CCNY: variants seen among roughly 807,000 people sequenced by gnomAD.
The protein encoded by CCNY is cyclin-Y.
A neutral mutation model predicts 42.8 loss-of-function variants in CCNY; 19 were observed. The ratio of observed to expected loss-of-function variants is 0.44; its 90% CI spans 0.31 to 0.65. CCNY has a LOEUF of 0.65. Ranked by LOEUF, CCNY falls within the 30% of genes least tolerant of loss-of-function variation. The pLI is 0.07. For synonymous variants in CCNY, 165 were observed against 162.7 expected, an observed-to-expected ratio of 1.01 and a Z score of -0.11; for missense variants, 370 against 437.3, an observed-to-expected ratio of 0.85 and a Z score of 1.37.
intron 1 of CCNY, among the ~76,000 whole-genome samples, chr10:35,377,275 A>G (rs1837074082): frequency 6.6e-6 from 1 of 152,246 alleles, no homozygotes; most frequent in Admixed American, 6.5e-5. Flanking sequence ...GACCTAGAGC[A>G]ACTTCCAGTC....
intron 3 of CCNY, among the ~76,000 whole-genome samples, chr10:35,502,738 A>G (rs1333884020): frequency 6.6e-6 from 1 of 151,968 alleles, no homozygotes; most frequent in African/African-American, 2.4e-5. Flanking sequence ...AAAATATGAA[A>G]ATTGCCATGC....
intron 7 of CCNY, among the ~76,000 whole-genome samples, chr10:35,537,799 A>G (rs1420294091): frequency 6.6e-6 from 1 of 152,136 alleles, no homozygotes; most frequent in Non-Finnish European, 1.5e-5. Flanking sequence ...GCCTTGTCTC[A>G]GATGAGACTT....
At chr10:35,523,970 G>T (rs888162847) in intron 4 of CCNY, among the ~76,000 whole-genome samples, 1 of 152,152 alleles carries the variant, frequency 6.6e-6, no homozygotes, top group South Asian at 2.1e-4. Context: ...CTTTCTCAAA[G>T]ACATTAAACT....
chr10:35,471,293 G>A (rs533836017), intron 1 of CCNY, among the ~76,000 whole-genome samples: 12 of 152,280 alleles, frequency 7.9e-5, no homozygotes, highest in African/African-American at 2.9e-4. Flanking sequence ...TGACTTTACA[G>A]GCTTGCTTTG....
rs1841650899 is a variant in CCNY at position 35,569,836 on chromosome 10, A to T, written c.*666A>T. 6.5e-6 allele frequency: 1 copy of T among 152,886 alleles called. No homozygotes were observed. The highest frequency in any genetic ancestry group is 1.5e-5 in the Non-Finnish European group (1 of 68,158). The allele number at this position is 152,886 out of a possible 1,614,324, so 9.5% of individuals were successfully genotyped here. A position where few individuals can be genotyped will look rare whatever the true frequency, so the allele number is the denominator to read the frequency against. On this transcript the variant is annotated 3_prime_UTR_variant, in exon 10 of 10. Transcript: ENST00000374704. Reference sequence around the variant, plus strand: ...CCTTATTTTATACCGTTTTTCTTCAACAATGGCGAAATTGACTGTAGTGCT... The same window carrying T: ...CCTTATTTTATACCGTTTTTCTTCATCAATGGCGAAATTGACTGTAGTGCT...
rs113516513 is a variant in CCNY, at chr10:35,247,939, A to G, written c.-216-170A>G. 3.3e-5 allele frequency among the ~76,000 whole-genome samples: 5 copies of G among 152,076 alleles called. 1 individual carries two copies. The highest frequency in any genetic ancestry group is 1.2e-4 in the African/African-American group (5 of 41,534). ...GAAAAGAATAAATAAATGAAAAAAAAAAGAAAAATAGAGAAAGAAATTGAG... is the reference window on the plus strand; with the variant it reads ...GAAAAGAATAAATAAATGAAAAAAAGAAGAAAAATAGAGAAAGAAATTGAG... On this transcript the variant is annotated intron_variant, in intron 1 of 11. Coordinates refer to the CCNY transcript ENST00000374706.
At position 35,447,393 on chromosome 10, in the gene CCNY, G is replaced by T. The variant is rs1416688717; in HGVS notation, c.155-36011G>T. ...GACAGGAGGCTTTACTAGCGATAAC[G>T]TGGTAAGCCAGAGAGCAATTTTTAT... is the stretch of plus-strand genomic sequence containing the variant. On this transcript the variant is annotated intron_variant, in intron 1 of 9. Coordinates refer to ENST00000374704, the MANE Select transcript of CCNY (RefSeq NM_145012.6). Among the ~76,000 whole-genome samples, 4 of 152,174 alleles carry T rather than the reference G, an allele frequency of 2.6e-5. No homozygotes were observed. In the East Asian group the frequency reaches 7.7e-4, roughly 29 times the overall value.
chr10:35,542,576 G>A (rs550489080), intron 7 of CCNY, among the ~76,000 whole-genome samples: 357 of 152,280 alleles, frequency 2.3e-3, no homozygotes, highest in Non-Finnish European at 4.2e-3. Context: ...AGCCTGTCAG[G>A]ACCACTGGTC....
intron 1 of CCNY, among the ~76,000 whole-genome samples, chr10:35,366,851 T>G (rs1836819168): frequency 1.3e-5 from 2 of 152,234 alleles, no homozygotes; most frequent in African/African-American, 4.8e-5. Flanking sequence ...TTACTTAATT[T>G]TAAAGAATAA....
intron 2 of CCNY, among the ~76,000 whole-genome samples, chr10:35,486,691 G>T (rs748616192): frequency 2.0e-4 from 30 of 152,200 alleles, no homozygotes; most frequent in Non-Finnish European, 2.8e-4. Context: ...GAGGCCCATC[G>T]TGATCCAGCC....
At chr10:35,539,842 A>G (rs1342842524) in intron 7 of CCNY, among the ~76,000 whole-genome samples, 1 of 152,220 alleles carries the variant, frequency 6.6e-6, no homozygotes, top group Non-Finnish European at 1.5e-5. Flanking sequence ...GCATGCTGTT[A>G]TAAATTGAAT....
At chr10:35,495,894 A>G (rs1216872335) in intron 2 of CCNY, among the ~76,000 whole-genome samples, 1 of 152,168 alleles carries the variant, frequency 6.6e-6, no homozygotes, top group African/African-American at 2.4e-5. Flanking sequence ...GAATTGAGTG[A>G]GTGAGTGAGT....
At chr10:35,499,555 C>T (rs1360715612) in intron 2 of CCNY, among the ~76,000 whole-genome samples, 3 of 152,220 alleles carry the variant, frequency 2.0e-5, no homozygotes, top group Non-Finnish European at 4.4e-5. Context: ...ATTACTTCTA[C>T]ACGTGAATAA....
intron 1 of CCNY, among the ~76,000 whole-genome samples, chr10:35,470,422 C>T (rs1446027378): frequency 6.6e-6 from 1 of 152,180 alleles, no homozygotes; most frequent in African/African-American, 2.4e-5. Context: ...CACATCCATT[C>T]AGTTAGCAAC....
chr10:35,535,526 GTATACGTATATGTATACA>G (rs959667025), intron 7 of CCNY, among the ~76,000 whole-genome samples: 3 of 152,204 alleles, frequency 2.0e-5, no homozygotes, highest in East Asian at 1.9e-4. Flanking sequence ...ATATGTGTAT[GTATACGTATATGTATACA>G]TATACGTATA....
intron 7 of CCNY, among the ~76,000 whole-genome samples, chr10:35,545,289 G>A (rs1047321286): frequency 2.0e-5 from 3 of 152,138 alleles, no homozygotes. Context: ...AATTCCCTGG[G>A]GCTGCCAGAA....
At position 35,284,662 on chromosome 10, in the gene CCNY, C is replaced by A. The variant is rs113315390; in HGVS notation, c.-9+34036C>A. Among the ~76,000 whole-genome samples the A allele has an allele frequency of 9.5e-3, 1,443 of 151,864 alleles. 25 individuals carry two copies. Among genetic ancestry groups the A allele is most frequent in the African/African-American group, 0.033 (1,373 of 41,404 alleles). ...TCCTTCCTTCCGCTTGGTTAGGTTT[C>A]TTTTGCTAGTTTCTTTTTCTAGTTT... On this transcript the variant is annotated intron_variant, in intron 3 of 11. Transcript: ENST00000374706.
chr10:35,400,632 G>A (rs3013376), intron 1 of CCNY, among the ~76,000 whole-genome samples: 10,397 of 152,120 alleles, frequency 0.068, 567 homozygotes, highest in African/African-American at 0.15. Flanking sequence ...TCTACTGTTC[G>A]TTAGATAATT....
At chr10:35,355,939 TTGAAA>T (rs1400267123) in intron 1 of CCNY, among the ~76,000 whole-genome samples, 2 of 152,086 alleles carry the variant, frequency 1.3e-5, no homozygotes, top group Non-Finnish European at 2.9e-5. Context: ...CTTATGTAAC[TTGAAA>T]TGAAATTACC....
Sources: allele counts gnomAD v4.1 joint callset (sites outside exome capture counted in the v4.1 genomes callset), GRCh38; gene constraint gnomAD v4.1.1; transcripts MANE v1.5; gene names NCBI Gene and HGNC (gene_info 2026-07-23, HGNC 2026-07-21).